The following PCDHGB5 variants were observed in gnomAD, a reference collection of about 807,000 sequenced individuals.
PCDHGB5 encodes protocadherin gamma subfamily B, 5.
In PCDHGB5, 48 loss-of-function variants were observed where a neutral mutation model predicts 62.9. That is an observed-to-expected ratio of 0.76 (90% CI 0.61 to 0.97). The LOEUF (loss-of-function observed/expected upper bound fraction) is 0.97, where lower values mean the gene tolerates loss of function less well. Ranked by LOEUF, PCDHGB5 falls within the 50% of genes least tolerant of loss-of-function variation. The pLI, the probability that PCDHGB5 is intolerant of heterozygous loss-of-function variation, is 0.00. For missense variants in PCDHGB5, 1,118 were observed against 1,198.6 expected (o/e 0.93, Z 0.99); for synonymous variants, 474 against 511.2 (o/e 0.93, Z 0.98).
chr5:141,436,040 C>A (rs989038133), intron 1 of PCDHGB5, among the ~76,000 whole-genome samples: 2 of 152,060 alleles, frequency 1.3e-5, no homozygotes, highest in African/African-American at 4.8e-5. Context: ...TTTGTATTTA[C>A]ATTAGTTTTC....
At chr5:141,428,098 A>G in intron 1 of PCDHGB5, 1 of 1,608,664 alleles carries the variant, frequency 6.2e-7, no homozygotes, top group Non-Finnish European at 8.5e-7. Flanking sequence ...CTGTCCTACC[A>G]CGTGCTGCAG....
chr5:141,408,549 T>C, intron 1 of PCDHGB5: 1 of 1,614,016 alleles, frequency 6.2e-7, no homozygotes, highest in Non-Finnish European at 8.5e-7. Flanking sequence ...CCTTTAAATA[T>C]TTTTCATGTC....
At chr5:141,413,612 T>C (rs1282180585) in intron 1 of PCDHGB5, 1 of 1,613,696 alleles carries the variant, frequency 6.2e-7, no homozygotes, top group Non-Finnish European at 8.5e-7. Context: ...GACGTAAAAA[T>C]TAATGAAAAT....
chr5:141,418,497 CCG>C, intron 1 of PCDHGB5: 1 of 1,613,994 alleles, frequency 6.2e-7, no homozygotes, highest in Non-Finnish European at 8.5e-7. Flanking sequence ...TTGGTACTGA[CCG>C]CCTTAGATGG....
intron 3 of PCDHGB5, among the ~76,000 whole-genome samples, chr5:141,509,004 G>A (rs2099873761): frequency 6.6e-6 from 1 of 152,072 alleles, no homozygotes; most frequent in South Asian, 2.1e-4. Context: ...AGGAGAGGAG[G>A]AAGTGGGCAG....
Position 141,432,604 on chromosome 5 carries a change from A to T in PCDHGB5, c.2397+32080A>T, listed in dbSNP as rs774164351. ...GTCTGCTCAAGGCCAGCGAGCCGGG[A>T]CTCTTCTCGGTGGGTCTGCACACGG... On this transcript the variant is annotated intron_variant, in intron 1 of 3. Coordinates refer to ENST00000617380, the MANE Select transcript of PCDHGB5 (RefSeq NM_018925.3). The surrounding 1 kb of genome is among the most constrained non-coding windows in gnomAD (Gnocchi z 6.0). 1.2e-6 allele frequency: 2 copies of T among 1,610,530 alleles called. No homozygotes were observed. The highest frequency in any genetic ancestry group is 1.7e-6 in the Non-Finnish European group (2 of 1,179,274).
In PCDHGB5 at chr5:141,399,959, G is replaced by T. The variant is rs1257286209; in HGVS notation, c.1832G>T (p.Gly611Val). The change falls in exon 1 of 4, where the codon GGG (glycine) becomes GTG (valine). Residue 611 changes from glycine to valine, a missense_variant. Transcript: ENST00000617380. ...CACGTGCTGCAGGCTAGCGAGCCCG[G>T]GCTCTTCAGCCTGGGGCTGCGCACA... ...SYHVLQASEP[G>V]LFSLGLRTGE... 6.2e-7 allele frequency: 1 copy of T among 1,612,230 alleles called. No homozygotes were observed. Among genetic ancestry groups the T allele is most frequent in the East Asian group, 2.2e-5 (1 of 44,866 alleles).
rs529966095 is a variant in PCDHGB5 at position 141,499,776 on chromosome 5, TC to T, written c.2456+4914del. 3.7e-3 allele frequency among the ~76,000 whole-genome samples: 528 copies of T among 141,410 alleles called. 6 individuals carry two copies. Among genetic ancestry groups the T allele is most frequent in the Non-Finnish European group, 4.2e-3 (282 of 66,550 alleles). The allele number at this position is 141,410 out of a possible 152,430, so 92.8% of individuals were successfully genotyped here. ...ATCTCAGCTCACTGCAGCCTTCGCCTCCCGGGTTCAAGCAATTCTCATGCTT... is the reference window on the plus strand; with the variant it reads ...ATCTCAGCTCACTGCAGCCTTCGCCTCCGGGTTCAAGCAATTCTCATGCTT... On this transcript the variant is annotated intron_variant, in intron 2 of 3. Coordinates refer to ENST00000617380, the MANE Select transcript of PCDHGB5 (RefSeq NM_018925.3).
At chr5:141,462,360 A>G (rs1400686908) in intron 1 of PCDHGB5, among the ~76,000 whole-genome samples, 1 of 152,238 alleles carries the variant, frequency 6.6e-6, no homozygotes, top group Non-Finnish European at 1.5e-5. Flanking sequence ...TATACATTGT[A>G]TAGTTTCTAT....
Position 141,476,201 on chromosome 5 carries a change from G to C in PCDHGB5, c.2398-18606G>C. ...GCTTCTGCTTGGTGCCTTGAACAAG[G>C]CTTCCACGGTCATTCACTATGAGAT... is the stretch of plus-strand genomic sequence containing the variant. On this transcript the variant is annotated intron_variant, in intron 1 of 3. Coordinates refer to ENST00000617380, the MANE Select transcript of PCDHGB5 (RefSeq NM_018925.3). This position sits in a 1 kb window ranked among gnomAD's most constrained non-coding sequence, Gnocchi z 7.6. 6.2e-7 allele frequency: 1 copy of C among 1,613,986 alleles called. No individual in the cohort carries two copies. The highest frequency in any genetic ancestry group is 8.5e-7 in the Non-Finnish European group (1 of 1,180,028).
At chr5:141,466,022 T>C (rs1053231186) in intron 1 of PCDHGB5, among the ~76,000 whole-genome samples, 4 of 151,628 alleles carry the variant, frequency 2.6e-5, no homozygotes, top group African/African-American at 9.7e-5. Flanking sequence ...CTCGGGAGGG[T>C]GAGGCAGGAG....
At chr5:141,443,209 C>T (rs1183847804) in intron 1 of PCDHGB5, among the ~76,000 whole-genome samples, 2 of 152,030 alleles carry the variant, frequency 1.3e-5, no homozygotes, top group African/African-American at 2.4e-5. Flanking sequence ...GAGCTTGTCT[C>T]GCCAGGCGCA....
chr5:141,484,924 T>C (rs1453592037), intron 1 of PCDHGB5: 7 of 484,872 alleles, frequency 1.4e-5, no homozygotes, highest in Non-Finnish European at 2.2e-5. Context: ...ACCCTGCTGC[T>C]GTTGGGACGT....
At chr5:141,421,767 C>T in intron 1 of PCDHGB5, 2 of 1,613,906 alleles carry the variant, frequency 1.2e-6, no homozygotes, top group South Asian at 1.1e-5. Context: ...ATTACTTTTC[C>T]TTGCAACTGC....
At chr5:141,505,559 G>A (rs1215110084) in intron 3 of PCDHGB5, 78 bp downstream of exon 3, 27 of 1,604,592 alleles carry the variant, frequency 1.7e-5, no homozygotes, top group Non-Finnish European at 2.0e-5. Flanking sequence ...CCATGCCCAC[G>A]GACTGGATGT....
At position 141,447,140 on chromosome 5, in the gene PCDHGB5, T is replaced by C. The variant is rs770212881; in HGVS notation, c.2397+46616T>C. ...ATGGATTTTTTTGTTTGTTTGTTTT[T>C]TGTTTTTGTTTTTGTTTAAGCGGGG... On this transcript the variant is annotated intron_variant, in intron 1 of 3. Coordinates refer to ENST00000617380, the MANE Select transcript of PCDHGB5 (RefSeq NM_018925.3). Among the ~76,000 whole-genome samples the C allele has an allele frequency of 6.6e-5, 10 of 152,158 alleles. 1 individual carries two copies. Among genetic ancestry groups the C allele is most frequent in the Non-Finnish European group, 1.2e-4 (8 of 68,042 alleles).
At position 141,438,276 on chromosome 5, in the gene PCDHGB5, ATAATT is replaced by A. The variant is rs533892835; in HGVS notation, c.2397+37757_2397+37761del. ...TGAAGAGACCATAGAATCAAACAAA[ATAATT>A]TAATCTGTATGTAAAAGAAGTTGGT... On this transcript the variant is annotated intron_variant, in intron 1 of 3. Coordinates refer to ENST00000617380, the MANE Select transcript of PCDHGB5 (RefSeq NM_018925.3). 1.4e-3 allele frequency among the ~76,000 whole-genome samples: 213 copies of A among 152,246 alleles called. 1 individual carries two copies. The highest frequency in any genetic ancestry group is 4.8e-3 in the African/African-American group (199 of 41,534).
At chr5:141,410,561 G>A (rs201832666) in intron 1 of PCDHGB5, 1 of 1,612,698 alleles carries the variant, frequency 6.2e-7, no homozygotes, top group Non-Finnish European at 8.5e-7. Flanking sequence ...TTCTCCTGGA[G>A]CCTTAATTCC....
rs369141362 is a variant in PCDHGB5 at position 141,404,800 on chromosome 5, C to T, written c.2397+4276C>T. The T allele has an allele frequency of 1.8e-5, 29 of 1,613,852 alleles. No homozygotes were observed. The Admixed American group carries it at 3.3e-4, about 19-fold the overall frequency. On this transcript the variant is annotated intron_variant, in intron 1 of 3. Transcript: ENST00000617380. ...TATTCAAGGCCAGTGAGCCAGGGCT[C>T]TTCTCGGTGGGGCTGCACACAGGTG... is the stretch of plus-strand genomic sequence containing the variant.
Sources: gnomAD v4.1 joint callset for allele counts (sites outside exome capture counted in the v4.1 genomes callset) on GRCh38, gnomAD v4.1.1 for gene constraint, Gnocchi (gnomAD v3.1) non-coding constraint, MANE v1.5 for transcripts, NCBI Gene and HGNC (gene_info 2026-07-23, HGNC 2026-07-21) for gene names.